The following MYO1D variants were observed in gnomAD, a reference collection of about 807,000 sequenced individuals.
The protein encoded by MYO1D is unconventional myosin-Id.
Under a neutral mutation model 122.0 loss-of-function variants are expected in MYO1D, and 83 were observed. The observed-to-expected ratio is 0.68, with a 90% CI of 0.57 to 0.82. The LOEUF (loss-of-function observed/expected upper bound fraction) is 0.82, where lower values mean the gene tolerates loss of function less well. Ranked by LOEUF, MYO1D falls within the 40% of genes least tolerant of loss-of-function variation. The pLI is 0.00. For synonymous variants in MYO1D, 464 were observed against 446.9 expected, an observed-to-expected ratio of 1.04 and a Z score of -0.48; for missense variants, 1,157 against 1,269.5, an observed-to-expected ratio of 0.91 and a Z score of 1.35.
chr17:32,646,748 A>G (rs1174702122), intron 19 of MYO1D, among the ~76,000 whole-genome samples: 2 of 152,216 alleles, frequency 1.3e-5, no homozygotes, highest in African/African-American at 2.4e-5. Context: ...TAAAGAGAAC[A>G]TATCACAAAT....
chr17:32,581,446 G>A (rs957580703), intron 21 of MYO1D, among the ~76,000 whole-genome samples: 3 of 151,464 alleles, frequency 2.0e-5, no homozygotes, highest in Admixed American at 6.6e-5. Flanking sequence ...TGCTTTCTTT[G>A]GTTTAATTTG....
intron 15 of MYO1D, 72 bp downstream of exon 15, chr17:32,720,951 T>G (rs1243490584): frequency 3.5e-6 from 5 of 1,427,644 alleles, no homozygotes; most frequent in African/African-American, 1.4e-5. Flanking sequence ...TAATATGTGC[T>G]GATGCACTAT....
chr17:32,660,428 C>T (rs1004813882), intron 16 of MYO1D, among the ~76,000 whole-genome samples: 2 of 152,180 alleles, frequency 1.3e-5, no homozygotes, highest in Non-Finnish European at 2.9e-5. Context: ...TCTGTGCCCA[C>T]CAATTCCTCT....
intron 13 of MYO1D, among the ~76,000 whole-genome samples, chr17:32,742,794 C>T (rs1268685120): frequency 6.6e-6 from 1 of 152,212 alleles, no homozygotes; most frequent in Non-Finnish European, 1.5e-5. Context: ...GTGGCTTCAA[C>T]ATCCATACAG....
chr17:32,716,249 C>T (rs1276873627), intron 15 of MYO1D, among the ~76,000 whole-genome samples: 1 of 152,164 alleles, frequency 6.6e-6, no homozygotes, highest in African/African-American at 2.4e-5. Flanking sequence ...TTAGTCTTTT[C>T]TTGATCTTTG....
chr17:32,853,176 A>G lies in MYO1D; in HGVS notation c.95+23602T>C, dbSNP rs1314291872. Among the ~76,000 whole-genome samples the G allele has an allele frequency of 2.0e-5, 3 of 152,354 alleles. No individual in the cohort carries two copies. The East Asian group carries it at 5.8e-4, about 29-fold the overall frequency. ...AATTCTACCTTCTCAACAGATATGA[A>G]AACCACGCCTCTGTGTCTCTCTTCC... is the stretch of plus-strand genomic sequence containing the variant. On this transcript the variant is annotated intron_variant, in intron 1 of 21. Coordinates refer to ENST00000318217, the MANE Select transcript of MYO1D (RefSeq NM_015194.3).
Position 32,726,626 on chromosome 17 carries a change from T to C in MYO1D, c.1747-5437A>G, listed in dbSNP as rs151099999. ...CTATAACAGATATAATAGATATAGA[T>C]ATTAGATAATATAGATCATATAGGT... On this transcript the variant is annotated intron_variant, in intron 14 of 21. Coordinates refer to ENST00000318217, the MANE Select transcript of MYO1D (RefSeq NM_015194.3). 6.0e-3 allele frequency among the ~76,000 whole-genome samples: 894 copies of C among 149,578 alleles called. 6 individuals carry two copies. The highest frequency in any genetic ancestry group is 8.7e-3 in the Non-Finnish European group (588 of 67,526).
In MYO1D at chr17:32,876,955, G is replaced by A. The variant is rs545222285; in HGVS notation, c.-83C>T. 3.6e-4 allele frequency: 289 copies of A among 795,398 alleles called. 1 individual carries two copies. In the African/African-American group the frequency reaches 4.8e-3, roughly 13 times the overall value. The allele number at this position is 795,398 out of a possible 1,614,324, so 49.3% of individuals were successfully genotyped here. ...CCCGCGATGAGCTCGGGAGGGGCCG[G>A]GGCGAGGCCGCGCCGCGAGGCTACG... On this transcript the variant is annotated 5_prime_UTR_variant, in exon 1 of 22. Transcript: ENST00000318217.
At chr17:32,780,851 G>A in intron 1 of MYO1D, 67 bp from the exon 2 acceptor site, 2 of 1,466,488 alleles carry the variant, frequency 1.4e-6, no homozygotes, top group Non-Finnish European at 1.9e-6. Flanking sequence ...TCTGTCCTGT[G>A]AGTCTCTTAT....
chr17:32,859,624 T>TG (rs1309821558), intron 1 of MYO1D, among the ~76,000 whole-genome samples: 1 of 152,230 alleles, frequency 6.6e-6, no homozygotes, highest in Non-Finnish European at 1.5e-5. Flanking sequence ...TTCTGTCTTT[T>TG]GGGGTCTCCC....
In MYO1D at chr17:32,749,648, C is replaced by T. The variant is rs909453917; in HGVS notation, c.1468-642G>A. On this transcript the variant is annotated intron_variant, in intron 11 of 21. Transcript: ENST00000318217. ...AGGCTGAGATGGGAGAATCACCTGA[C>T]CATGGAAGGCAGAGACTGCAGTGAG... 1.3e-5 allele frequency among the ~76,000 whole-genome samples: 2 copies of T among 152,046 alleles called. 1 individual carries two copies.
chr17:32,609,193 G>C (rs1368744240), intron 20 of MYO1D, among the ~76,000 whole-genome samples: 1 of 152,150 alleles, frequency 6.6e-6, no homozygotes, highest in Non-Finnish European at 1.5e-5. Flanking sequence ...TTGATCTCTA[G>C]ATATTCTACT....
At chr17:32,628,830 T>C (rs2087962510) in intron 20 of MYO1D, among the ~76,000 whole-genome samples, 1 of 152,180 alleles carries the variant, frequency 6.6e-6, no homozygotes, top group Non-Finnish European at 1.5e-5. Context: ...ATACTGGCAG[T>C]TCTTACAAAG....
chr17:32,729,340 T>C (rs575453201), intron 14 of MYO1D, among the ~76,000 whole-genome samples: 1 of 152,304 alleles, frequency 6.6e-6, no homozygotes, highest in East Asian at 1.9e-4. Flanking sequence ...AGTACCTTAT[T>C]AGGTATTAAT....
rs181884067 is a variant in MYO1D at position 32,569,275 on chromosome 17, C to T, written c.2864+35812G>A. On this transcript the variant is annotated intron_variant, in intron 21 of 21. Coordinates refer to ENST00000318217, the MANE Select transcript of MYO1D (RefSeq NM_015194.3). ...AGACAGCAATGGGCATATTTCACTT[C>T]CATTGTTAATTGGGGATAGTATTGC... 5.9e-5 allele frequency among the ~76,000 whole-genome samples: 9 copies of T among 152,312 alleles called. No homozygotes were observed. The East Asian group carries it at 1.7e-3, about 29-fold the overall frequency.
chr17:32,747,616 C>G (rs1220807580), intron 12 of MYO1D, among the ~76,000 whole-genome samples: 1 of 152,016 alleles, frequency 6.6e-6, no homozygotes, highest in Non-Finnish European at 1.5e-5. Context: ...GCGGGCAGAT[C>G]AATTGAGGTC....
At chr17:32,629,481 T>C (rs1447106101) in intron 20 of MYO1D, among the ~76,000 whole-genome samples, 1 of 152,122 alleles carries the variant, frequency 6.6e-6, no homozygotes, top group Non-Finnish European at 1.5e-5. Context: ...ACGCCTGTAA[T>C]CCCAGCACTT....
chr17:32,727,688 G>A (rs2089593086), intron 14 of MYO1D: 1 of 152,110 alleles, frequency 6.6e-6, no homozygotes, highest in African/African-American at 2.4e-5. Context: ...CAAGATGCCT[G>A]ATTTAAATGC....
At chr17:32,654,400 A>G (rs1888169587) in intron 18 of MYO1D, 77 bp downstream of exon 18, 3 of 1,464,234 alleles carry the variant, frequency 2.0e-6, no homozygotes, top group African/African-American at 1.4e-5. Context: ...CCTTTCTGCA[A>G]ATTCTTTGGA....
Sources: allele counts gnomAD v4.1 joint callset (sites outside exome capture counted in the v4.1 genomes callset), GRCh38; gene constraint gnomAD v4.1.1; transcripts MANE v1.5; gene names NCBI Gene and HGNC (gene_info 2026-07-23, HGNC 2026-07-21).